The following CCSER1 variants were observed in gnomAD, a reference collection of about 807,000 sequenced individuals.
CCSER1 encodes serine-rich coiled-coil domain-containing protein 1.
Under a neutral mutation model 82.0 loss-of-function variants are expected in CCSER1, and 41 were observed. That is an observed-to-expected ratio of 0.50 (90% CI 0.39 to 0.65). CCSER1 has a LOEUF of 0.65. Ranked by LOEUF, CCSER1 falls within the 30% of genes least tolerant of loss-of-function variation. The pLI is 0.00. For missense variants in CCSER1, 1,119 were observed against 1,064.2 expected (o/e 1.05, Z -0.72); for synonymous variants, 414 against 383.9 (o/e 1.08, Z -0.92).
At chr4:90,579,135 G>A (rs1351778710) in intron 5 of CCSER1, among the ~76,000 whole-genome samples, 1 of 151,838 alleles carries the variant, frequency 6.6e-6, no homozygotes, top group African/African-American at 2.4e-5. Context: ...TTAATATCAG[G>A]TCACACAGAA....
At chr4:90,633,772 C>G (rs1298313379) in intron 6 of CCSER1, among the ~76,000 whole-genome samples, 2 of 151,826 alleles carry the variant, frequency 1.3e-5, no homozygotes, top group Admixed American at 1.3e-4. Flanking sequence ...CTGTCGACCT[C>G]CTAGATTTTA....
At chr4:90,530,652 T>C (rs542442234) in intron 5 of CCSER1, among the ~76,000 whole-genome samples, 74 of 152,248 alleles carry the variant, frequency 4.9e-4, no homozygotes, top group African/African-American at 1.6e-3. Context: ...GGAACTGTCA[T>C]GGCGCTTGTA....
intron 10 of CCSER1, among the ~76,000 whole-genome samples, chr4:91,426,501 C>T (rs972667100): frequency 4.7e-5 from 7 of 148,124 alleles, no homozygotes; most frequent in South Asian, 2.1e-4. Flanking sequence ...TACATGACCA[C>T]GATTTAAAAA....
chr4:91,121,251 A>T (rs374254556), intron 10 of CCSER1, among the ~76,000 whole-genome samples: 24 of 151,774 alleles, frequency 1.6e-4, no homozygotes, highest in African/African-American at 5.8e-4. Context: ...TTACCAATTT[A>T]ATTATTAGTT....
At chr4:90,157,457 C>T (rs1340970462) in intron 1 of CCSER1, among the ~76,000 whole-genome samples, 1 of 152,108 alleles carries the variant, frequency 6.6e-6, no homozygotes, top group African/African-American at 2.4e-5. Flanking sequence ...TGGATAATAT[C>T]CTGAAGAGTG....
At chr4:91,184,841 G>T (rs1345379210) in intron 10 of CCSER1, among the ~76,000 whole-genome samples, 1 of 152,050 alleles carries the variant, frequency 6.6e-6, no homozygotes, top group Non-Finnish European at 1.5e-5. Flanking sequence ...GATTTTTAGG[G>T]CTATATAATT....
At chr4:90,869,681 A>G (rs918665190) in intron 8 of CCSER1, among the ~76,000 whole-genome samples, 5 of 150,758 alleles carry the variant, frequency 3.3e-5, no homozygotes, top group African/African-American at 1.2e-4. Flanking sequence ...GGCTTTGGCT[A>G]TTCTGGGTCT....
At chr4:90,932,954 GAAAGAA>G (rs1267550270) in intron 9 of CCSER1, among the ~76,000 whole-genome samples, 3 of 32,592 alleles carry the variant, frequency 9.2e-5, no homozygotes, top group African/African-American at 7.0e-4. Flanking sequence ...AAGAAAGAAA[GAAAGAA>G]AGAAAGAAAG....
chr4:91,030,740 TA>T (rs34151278), intron 9 of CCSER1, among the ~76,000 whole-genome samples: 4 of 150,854 alleles, frequency 2.7e-5, no homozygotes, highest in Admixed American at 6.6e-5. Context: ...TTTCTCTGAT[TA>T]AAAAAAAAGA....
intron 8 of CCSER1, among the ~76,000 whole-genome samples, chr4:90,851,623 C>T (rs1485965628): frequency 1.4e-5 from 2 of 148,132 alleles, no homozygotes; most frequent in East Asian, 2.1e-4. Flanking sequence ...ATGTGTTTTA[C>T]CCACTCAAAC....
chr4:91,183,001 G>C (rs9637612), intron 10 of CCSER1, among the ~76,000 whole-genome samples: 59,481 of 152,144 alleles, frequency 0.39, 12,173 homozygotes, highest in Non-Finnish European at 0.46. Context: ...AATTGTGAAA[G>C]TGTCTAGCAT....
intron 4 of CCSER1, among the ~76,000 whole-genome samples, chr4:90,458,497 CAT>C (rs1157560833): frequency 2.6e-5 from 4 of 152,136 alleles, no homozygotes; most frequent in African/African-American, 9.7e-5. Context: ...GGACTACAGA[CAT>C]GTGCCACCAT....
chr4:90,195,787 G>C (rs139359262), intron 1 of CCSER1, among the ~76,000 whole-genome samples: 278 of 152,188 alleles, frequency 1.8e-3, no homozygotes, highest in African/African-American at 6.5e-3. Context: ...AACTACGTTT[G>C]GCATTTTAGT....
At position 90,748,414 on chromosome 4, in the gene CCSER1, AT is replaced by A. The variant is rs1265600549; in HGVS notation, c.2010+24427del. Among the ~76,000 whole-genome samples, 3 of 150,026 alleles carry A rather than the reference AT, an allele frequency of 2.0e-5. No homozygotes were observed. The East Asian group carries it at 5.9e-4, about 30-fold the overall frequency. On this transcript the variant is annotated intron_variant, in intron 7 of 10. Transcript: ENST00000509176. ...GTATTCCATGGCGTATATGTGCCAC[AT>A]TTTCTTAATCCAGTCTATCATTGTT... is the stretch of plus-strand genomic sequence containing the variant.
At chr4:90,417,639 G>A (rs1020565546) in intron 4 of CCSER1, among the ~76,000 whole-genome samples, 2 of 152,052 alleles carry the variant, frequency 1.3e-5, no homozygotes, top group Non-Finnish European at 2.9e-5. Flanking sequence ...AAGGAAAATG[G>A]GGAAGTAATG....
At chr4:90,140,725 T>G (rs1394806794) in intron 1 of CCSER1, among the ~76,000 whole-genome samples, 1 of 134,124 alleles carries the variant, frequency 7.5e-6, no homozygotes, top group African/African-American at 2.8e-5. Flanking sequence ...AGTGCTGTGG[T>G]GCGATCTTGG....
At chr4:90,578,370 G>A (rs1040432932) in intron 5 of CCSER1, among the ~76,000 whole-genome samples, 4 of 152,052 alleles carry the variant, frequency 2.6e-5, no homozygotes, top group Admixed American at 1.3e-4. Context: ...GCTTGTAGAG[G>A]CCACCTATAT....
chr4:90,359,891 GTGTGTGTATA>G (rs1745024105), intron 3 of CCSER1, among the ~76,000 whole-genome samples: 11 of 79,458 alleles, frequency 1.4e-4, no homozygotes, highest in African/African-American at 6.4e-4. Context: ...ATATATATGT[GTGTGTGTATA>G]TATATATATA....
At chr4:90,947,348 G>GA (rs1456600578) in intron 9 of CCSER1, among the ~76,000 whole-genome samples, 2 of 152,050 alleles carry the variant, frequency 1.3e-5, no homozygotes, top group East Asian at 1.9e-4. Flanking sequence ...ATGTTTTTCA[G>GA]AAAAATGTAA....
Sources: allele counts gnomAD v4.1 joint callset (sites outside exome capture counted in the v4.1 genomes callset), GRCh38; gene constraint gnomAD v4.1.1; transcripts MANE v1.5; gene names NCBI Gene and HGNC (gene_info 2026-07-23, HGNC 2026-07-21).